Variants in PRELID2 observed in about 807,000 individuals in gnomAD.
PRELID2 encodes the protein PRELI domain-containing protein 2.
A neutral mutation model predicts 28.4 loss-of-function variants in PRELID2; 25 were observed. The ratio of observed to expected loss-of-function variants is 0.88; its 90% CI spans 0.64 to 1.23. PRELID2 has a LOEUF of 1.23. Among genes scored for constraint, PRELID2 ranks in the 50% most tolerant of loss-of-function variants. PRELID2 has a pLI of 0.00. For synonymous variants in PRELID2, 76 were observed against 71.6 expected (o/e 1.06, Z -0.31); for missense variants, 201 against 214.4 (o/e 0.94, Z 0.39).
the PRELID2 span, among the ~76,000 whole-genome samples, chr5:145,284,214 C>T: frequency 0.094 from 14,329 of 152,208 alleles, 898 homozygotes; most frequent in African/African-American, 0.19. Flanking sequence ...AATGCTAATG[C>T]TATAAAATTA....
At chr5:145,599,817 A>T (rs1753363541) in intron 1 of PRELID2, among the ~76,000 whole-genome samples, 2 of 152,190 alleles carry the variant, frequency 1.3e-5, no homozygotes, top group African/African-American at 4.8e-5. Flanking sequence ...CTAGTTGTAC[A>T]TCAGAATCAC....
At chr5:145,288,752 T>A in the PRELID2 span, among the ~76,000 whole-genome samples, 1 of 152,130 alleles carries the variant, frequency 6.6e-6, no homozygotes, top group African/African-American at 2.4e-5. Flanking sequence ...AATCCAAACA[T>A]GAGTTTATAC....
chr5:145,470,475 AG>A (rs370517450), downstream of PRELID2, among the ~76,000 whole-genome samples: 1 of 82,256 alleles, frequency 1.2e-5, no homozygotes, highest in Non-Finnish European at 3.1e-5. Flanking sequence ...GACACTAGTT[AG>A]GTAATTTTTA....
At chr5:145,425,582 A>G in the PRELID2 span, among the ~76,000 whole-genome samples, 8 of 152,236 alleles carry the variant, frequency 5.3e-5, no homozygotes. Context: ...GCCATAAAAA[A>G]GAACAAGATT....
the PRELID2 span, among the ~76,000 whole-genome samples, chr5:145,373,835 C>T: frequency 1.6e-4 from 13 of 83,840 alleles, no homozygotes; most frequent in African/African-American, 6.7e-4. Context: ...TATATTACAA[C>T]ATATATAATA....
chr5:145,299,635 A>ATATGTGTGTGTGTG, the PRELID2 span, among the ~76,000 whole-genome samples: 10 of 107,614 alleles, frequency 9.3e-5, no homozygotes, highest in East Asian at 1.7e-3. Context: ...CTACATATAT[A>ATATGTGTGTGTGTG]TGTGTGTGCG....
At chr5:145,704,421 G>C (rs1755487050) in intron 1 of PRELID2, 1 of 152,150 alleles carries the variant, frequency 6.6e-6, no homozygotes. Context: ...GACTTCCCAA[G>C]TCCACAGCAA....
chr5:145,758,166 A>AT lies in PRELID2; in HGVS notation c.*2369dup, dbSNP rs199629030. Among the ~76,000 whole-genome samples the AT allele has an allele frequency of 0.029, 4,438 of 150,486 alleles. 104 individuals carry two copies. The highest frequency in any genetic ancestry group is 0.048 in the Non-Finnish European group (3,211 of 67,506). ...TTGGTTGCCAATAAAAAACTAGGAG[A>AT]TTTTTTTTTTAATTCTGTCTTTTCT... On this transcript the variant is annotated 3_prime_UTR_variant, in exon 7 of 7. Transcript: ENST00000683046.
intron 1 of PRELID2, among the ~76,000 whole-genome samples, chr5:145,563,377 G>A (rs192043894): frequency 7.2e-5 from 11 of 152,272 alleles, no homozygotes; most frequent in African/African-American, 2.4e-4. Flanking sequence ...CACATAACTG[G>A]AGCCACTGCC....
chr5:145,683,078 C>A (rs1314889192), intron 1 of PRELID2, among the ~76,000 whole-genome samples: 1 of 152,070 alleles, frequency 6.6e-6, no homozygotes, highest in Admixed American at 6.6e-5. Context: ...TGGGTGAAAG[C>A]AGTCAGAGAA....
At chr5:145,753,258 G>A (rs909298698), downstream of PRELID2, among the ~76,000 whole-genome samples, 2 of 152,122 alleles carry the variant, frequency 1.3e-5, no homozygotes, top group African/African-American at 2.4e-5. Flanking sequence ...AGCACAGCAT[G>A]CAGTCCACAG....
chr5:145,793,002 C>T (rs1004274333), intron 5 of PRELID2, among the ~76,000 whole-genome samples: 2 of 152,134 alleles, frequency 1.3e-5, no homozygotes, highest in African/African-American at 4.8e-5. Context: ...AGTTCAGAAC[C>T]ACTCCGTTTC....
the PRELID2 span, among the ~76,000 whole-genome samples, chr5:145,280,153 T>C: frequency 6.6e-6 from 1 of 152,282 alleles, no homozygotes; most frequent in South Asian, 2.1e-4. Context: ...GGAGCCATTA[T>C]ACCTTGATGA....
At chr5:145,376,345 C>T in the PRELID2 span, among the ~76,000 whole-genome samples, 1 of 152,080 alleles carries the variant, frequency 6.6e-6, no homozygotes. Context: ...GAATATTGGC[C>T]TAAAGTTTTC....
chr5:145,411,493 T>C, the PRELID2 span, among the ~76,000 whole-genome samples: 1 of 152,358 alleles, frequency 6.6e-6, no homozygotes, highest in South Asian at 2.1e-4. Context: ...GACACACTGA[T>C]GCAACAATTG....
At chr5:145,323,648 G>A in the PRELID2 span, among the ~76,000 whole-genome samples, 8 of 152,008 alleles carry the variant, frequency 5.3e-5, no homozygotes, top group Non-Finnish European at 8.8e-5. Flanking sequence ...CCCAGCATCC[G>A]TTCCCTTCTT....
the PRELID2 span, among the ~76,000 whole-genome samples, chr5:145,438,027 C>T: frequency 6.6e-6 from 1 of 152,066 alleles, no homozygotes; most frequent in African/African-American, 2.4e-5. Context: ...CATGTCCTCC[C>T]TTGCAGAAGG....
At chr5:145,799,350 G>A (rs1354185376) in intron 4 of PRELID2, among the ~76,000 whole-genome samples, 1 of 151,992 alleles carries the variant, frequency 6.6e-6, no homozygotes, top group Non-Finnish European at 1.5e-5. Flanking sequence ...CACCACTACA[G>A]ATTTGGATTA....
intron 1 of PRELID2, among the ~76,000 whole-genome samples, chr5:145,526,422 A>G (rs1272167960): frequency 1.3e-5 from 2 of 152,136 alleles, no homozygotes; most frequent in Admixed American, 6.5e-5. Context: ...TGTATACACA[A>G]TGGCCCAGGG....
Sources: gnomAD v4.1 joint callset for allele counts (sites outside exome capture counted in the v4.1 genomes callset) on GRCh38, gnomAD v4.1.1 for gene constraint, MANE v1.5 for transcripts, NCBI Gene and HGNC (gene_info 2026-07-23, HGNC 2026-07-21) for gene names.